ARHGEF6: variants seen among roughly 807,000 people sequenced by gnomAD.
ARHGEF6 encodes the protein Rac/Cdc42 guanine nucleotide exchange factor 6.
ARHGEF6 carries 9 observed loss-of-function variants against 70.3 expected under a neutral mutation model. The ratio of observed to expected loss-of-function variants is 0.13; its 90% CI spans 0.08 to 0.22. The LOEUF is 0.22. Ranked by LOEUF, ARHGEF6 falls within the 10% of genes least tolerant of loss-of-function variation. ARHGEF6 has a pLI of 1.00. For missense variants in ARHGEF6, 470 were observed against 563.0 expected, an observed-to-expected ratio of 0.83 and a Z score of 1.67; for synonymous variants, 201 against 207.8, an observed-to-expected ratio of 0.97 and a Z score of 0.28.
At chrX:136,713,997 T>G (rs1369028849) in intron 6 of ARHGEF6, among the ~76,000 whole-genome samples, 1 of 111,769 alleles carries the variant, frequency 8.9e-6, no homozygotes, top group African/African-American at 3.3e-5. Context: ...GATAAGACCT[T>G]TGGGGAACAA....
intron 2 of ARHGEF6, chrX:136,767,838 GAGCAGC>G (rs57856447): frequency 7.8e-4 from 512 of 652,877 alleles, no homozygotes; most frequent in Middle Eastern, 3.8e-3. Flanking sequence ...GGCGCAGGCA[GAGCAGC>G]AGCAGCAGCA....
At chrX:136,674,553 A>T (rs2148569851) in intron 19 of ARHGEF6, among the ~76,000 whole-genome samples, 1 of 112,292 alleles carries the variant, frequency 8.9e-6, no homozygotes, top group Non-Finnish European at 1.9e-5. Context: ...CAACTTTGAA[A>T]CTTGAGTTTG....
chrX:136,686,705 TATAC>T (rs1429655432), intron 11 of ARHGEF6, among the ~76,000 whole-genome samples: 2 of 28,959 alleles, frequency 6.9e-5, no homozygotes, highest in East Asian at 1.1e-3. Flanking sequence ...CACATATATA[TATAC>T]ATATATATAT....
intron 6 of ARHGEF6, among the ~76,000 whole-genome samples, chrX:136,721,502 G>T (rs192063637): frequency 4.2e-4 from 47 of 111,571 alleles, no homozygotes; most frequent in Non-Finnish European, 7.3e-4. Flanking sequence ...GGCAGAGGTT[G>T]CAGTGAGCCA....
chrX:136,732,843 C>A (rs2076949324), intron 5 of ARHGEF6, among the ~76,000 whole-genome samples: 1 of 111,249 alleles, frequency 9.0e-6, no homozygotes, highest in African/African-American at 3.3e-5. Flanking sequence ...TATGTAACCC[C>A]ATTGTAAGCC....
intron 3 of ARHGEF6, 29 bp downstream of exon 3, chrX:136,747,479 A>G (rs1041706122): frequency 8.6e-7 from 1 of 1,168,545 alleles, no homozygotes; most frequent in African/African-American, 1.8e-5. Flanking sequence ...AATGTCACCC[A>G]GAACATATAA....
At chrX:136,757,587 T>A (rs1388878347) in intron 2 of ARHGEF6, among the ~76,000 whole-genome samples, 1 of 110,992 alleles carries the variant, frequency 9.0e-6, no homozygotes. Flanking sequence ...ATGCTAGCTA[T>A]CCTTCAGGGC....
In ARHGEF6 at chrX:136,687,942, T is replaced by G; in HGVS notation, c.1235A>C (p.Lys412Thr). 2 of 1,206,774 alleles carry G rather than the reference T, an allele frequency of 1.7e-6. No individual in the cohort carries two copies. The highest frequency in any genetic ancestry group is 1.1e-6 in the Non-Finnish European group (1 of 890,666). The change falls in exon 11 of 22, where the codon AAA (lysine) becomes ACA (threonine). Residue 412 changes from lysine (K) to threonine (T), a missense_variant. Around this residue, in one of 3 missense-constraint regions of ARHGEF6, gnomAD observed 379 missense variants for 449.3 expected, o/e 0.84. Coordinates refer to ENST00000250617, the MANE Select transcript of ARHGEF6 (RefSeq NM_004840.3). ...QDILKAIVAFKTLMGQCQDLR... is the reference protein window; with the variant it reads ...QDILKAIVAFTTLMGQCQDLR... Reference sequence around the variant, plus strand: ...TAAAGCATCACCTACCATGAGAGTTTTGAATGCTACGATTGCTTTCAGAAT... The same window carrying G: ...TAAAGCATCACCTACCATGAGAGTTGTGAATGCTACGATTGCTTTCAGAAT...
chrX:136,677,501 G>A (rs1462379092), intron 17 of ARHGEF6, among the ~76,000 whole-genome samples: 1 of 111,119 alleles, frequency 9.0e-6, no homozygotes, highest in Non-Finnish European at 1.9e-5. Context: ...CTTAGACTTA[G>A]GAAAAAACTC....
At chrX:136,731,431 T>C (rs112734817) in intron 6 of ARHGEF6, among the ~76,000 whole-genome samples, 27 of 112,063 alleles carry the variant, frequency 2.4e-4, no homozygotes, top group African/African-American at 8.7e-4. Context: ...AGGTTAATCA[T>C]GACTTGACCT....
Position 136,695,493 on chromosome X carries a change from T to A in ARHGEF6, c.1047-4745A>T, listed in dbSNP as rs746698028. Among the ~76,000 whole-genome samples, 4 of 112,564 alleles carry A rather than the reference T, an allele frequency of 3.6e-5. No homozygotes were observed. The South Asian group carries it at 1.5e-3, about 41-fold the overall frequency. On this transcript the variant is annotated intron_variant, in intron 9 of 21. Transcript: ENST00000250617. Reference sequence around the variant, plus strand: ...AAATTAAATTCCCAACATAGGTAAATGTAGTCAGTAACATTTTAACACATA... The same window carrying A: ...AAATTAAATTCCCAACATAGGTAAAAGTAGTCAGTAACATTTTAACACATA...
At chrX:136,691,840 C>A (rs1299383973) in intron 9 of ARHGEF6, among the ~76,000 whole-genome samples, 1 of 111,580 alleles carries the variant, frequency 9.0e-6, no homozygotes, top group Admixed American at 9.5e-5. Flanking sequence ...CCTACAAGAT[C>A]AAGTCTTAAC....
chrX:136,683,092 C>G (rs2076349657), intron 12 of ARHGEF6, among the ~76,000 whole-genome samples: 1 of 111,892 alleles, frequency 8.9e-6, no homozygotes, highest in Non-Finnish European at 1.9e-5. Flanking sequence ...AATAACCATG[C>G]TTGCTTTCCA....
chrX:136,770,251 A>C (rs756368457), intron 2 of ARHGEF6, among the ~76,000 whole-genome samples: 1 of 112,814 alleles, frequency 8.9e-6, no homozygotes. Context: ...GATTGATTTA[A>C]TATATGAAAA....
Position 136,667,796 on chromosome X carries a change from A to G in ARHGEF6, c.*233T>C. ...CCACTTCCTGCTTTTTCACCTGTTG[A>G]AAAAAAAAATGAACAACCAACCAAT... On this transcript the variant is annotated 3_prime_UTR_variant, in exon 22 of 22. Coordinates refer to ENST00000250617, the MANE Select transcript of ARHGEF6 (RefSeq NM_004840.3). 1 of 371,712 alleles carries G rather than the reference A, an allele frequency of 2.7e-6. No individual in the cohort carries two copies. Among genetic ancestry groups the G allele is most frequent in the Non-Finnish European group, 4.7e-6 (1 of 214,331 alleles). The allele number at this position is 371,712 out of a possible 1,213,427, so 30.6% of individuals were successfully genotyped here.
intron 2 of ARHGEF6, among the ~76,000 whole-genome samples, chrX:136,760,657 T>C (rs2077256080): frequency 8.9e-6 from 1 of 112,021 alleles, no homozygotes; most frequent in Admixed American, 9.5e-5. Context: ...AGATATTACA[T>C]ACTGTGTTTT....
intron 2 of ARHGEF6, among the ~76,000 whole-genome samples, chrX:136,757,010 G>A (rs2077213794): frequency 8.9e-6 from 1 of 112,146 alleles, no homozygotes; most frequent in Admixed American, 9.4e-5. Flanking sequence ...CACAGCAAAG[G>A]CATCCAATAA....
intron 16 of ARHGEF6, among the ~76,000 whole-genome samples, chrX:136,678,398 G>A (rs966674505): frequency 8.0e-5 from 9 of 111,951 alleles, no homozygotes; most frequent in Non-Finnish European, 1.7e-4. Flanking sequence ...GGCACTCCTG[G>A]TTTACATAAT....
intron 2 of ARHGEF6, among the ~76,000 whole-genome samples, chrX:136,757,471 T>C (rs1370361399): frequency 8.9e-6 from 1 of 112,099 alleles, no homozygotes; most frequent in African/African-American, 3.2e-5. Context: ...AGCAGGCCCA[T>C]CGTTTCTCAC....
Sources: gnomAD v4.1 joint callset for allele counts (sites outside exome capture counted in the v4.1 genomes callset) on GRCh38, gnomAD v4.1.1 for gene constraint, gnomAD v4.1.1 regional missense constraint, MANE v1.5 for transcripts, NCBI Gene and HGNC (gene_info 2026-07-23, HGNC 2026-07-21) for gene names.